The following CAMK1D variants were observed in gnomAD, a reference collection of about 807,000 sequenced individuals.
The protein encoded by CAMK1D is calcium/calmodulin dependent protein kinase ID, also known as calcium/calmodulin-dependent protein kinase type 1D.
CAMK1D carries 9 observed loss-of-function variants against 47.7 expected under a neutral mutation model. The observed-to-expected ratio is 0.19, with a 90% CI of 0.11 to 0.33. The LOEUF is 0.33. Among genes scored for constraint, CAMK1D ranks in the 10% least tolerant of loss-of-function variants. CAMK1D has a pLI of 1.00. For synonymous variants in CAMK1D, 184 were observed against 184.9 expected (o/e 0.99, Z 0.04); for missense variants, 291 against 488.7 (o/e 0.60, Z 3.81).
chr10:12,510,955 G>A (rs1835022695), intron 1 of CAMK1D, among the ~76,000 whole-genome samples: 2 of 152,300 alleles, frequency 1.3e-5, no homozygotes, highest in East Asian at 1.9e-4. Context: ...GAAAGGACTC[G>A]GCTCTGGGAG....
At chr10:12,753,970 A>G (rs924278402) in intron 3 of CAMK1D, among the ~76,000 whole-genome samples, 2 of 152,064 alleles carry the variant, frequency 1.3e-5, no homozygotes, top group African/African-American at 4.8e-5. Context: ...GGCTCACTGC[A>G]TCCTCCACCT....
At chr10:12,758,861 G>T (rs902550370) in intron 3 of CAMK1D, among the ~76,000 whole-genome samples, 1 of 152,118 alleles carries the variant, frequency 6.6e-6, no homozygotes, top group Non-Finnish European at 1.5e-5. Flanking sequence ...GTAGCAGGCA[G>T]AACAGTGAGA....
intron 3 of CAMK1D, among the ~76,000 whole-genome samples, chr10:12,713,955 C>T (rs1169512761): frequency 2.0e-5 from 3 of 152,200 alleles, no homozygotes; most frequent in Admixed American, 2.0e-4. Context: ...AAACTGTAAT[C>T]AGAAGATCGC....
chr10:12,553,660 T>C (rs950984600), intron 2 of CAMK1D, among the ~76,000 whole-genome samples: 3 of 152,206 alleles, frequency 2.0e-5, no homozygotes, highest in African/African-American at 7.2e-5. Flanking sequence ...TACAGAGCCC[T>C]GAGTCTTCTC....
chr10:12,824,000 G>A (rs1053754420), intron 8 of CAMK1D, among the ~76,000 whole-genome samples: 1 of 152,020 alleles, frequency 6.6e-6, no homozygotes, highest in African/African-American at 2.4e-5. Flanking sequence ...GAGGAAGCTG[G>A]GAAGCAAGGC....
intron 2 of CAMK1D, among the ~76,000 whole-genome samples, chr10:12,609,003 A>G (rs1838546496): frequency 6.6e-6 from 1 of 152,092 alleles, no homozygotes; most frequent in African/African-American, 2.4e-5. Flanking sequence ...GTTTGTCACT[A>G]TTGTTTTGCT....
chr10:12,626,108 C>T (rs1839205724), intron 2 of CAMK1D, among the ~76,000 whole-genome samples: 2 of 152,140 alleles, frequency 1.3e-5, no homozygotes, highest in South Asian at 4.2e-4. Context: ...TGTTTTTAAC[C>T]AGTCTTTTTT....
At chr10:12,674,613 T>TTTTTTTTTTTTTTTTTTTG (rs1840740740) in intron 3 of CAMK1D, among the ~76,000 whole-genome samples, 2 of 150,134 alleles carry the variant, frequency 1.3e-5, no homozygotes, top group African/African-American at 2.5e-5. Flanking sequence ...TTTTTTTTTT[T>TTTTTTTTTTTTTTTTTTTG]TTTTCAGAAT....
intron 3 of CAMK1D, among the ~76,000 whole-genome samples, chr10:12,728,484 G>C (rs1834754664): frequency 6.6e-6 from 1 of 152,202 alleles, no homozygotes; most frequent in Non-Finnish European, 1.5e-5. Context: ...CACTGGCATC[G>C]AGAGCAGTGT....
chr10:12,686,877 A>G (rs4750248), intron 3 of CAMK1D, among the ~76,000 whole-genome samples: 53,208 of 152,040 alleles, frequency 0.35, 9,511 homozygotes, highest in South Asian at 0.55. Flanking sequence ...AATTATAAAA[A>G]TCACTTCCCA....
intron 4 of CAMK1D, among the ~76,000 whole-genome samples, chr10:12,764,388 A>AAAAAAAAAC (rs1736956818): frequency 4.0e-5 from 6 of 151,312 alleles, no homozygotes; most frequent in Admixed American, 4.0e-4. Context: ...TCTCAAAAAA[A>AAAAAAAAAC]AAAAAAAAAA....
chr10:12,565,419 A>G (rs924990698), intron 2 of CAMK1D, among the ~76,000 whole-genome samples: 1 of 151,860 alleles, frequency 6.6e-6, no homozygotes, highest in Non-Finnish European at 1.5e-5. Flanking sequence ...ATGCCTGGCT[A>G]GTTTTTGTAT....
chr10:12,752,554 G>GT (rs1836037710), intron 3 of CAMK1D, among the ~76,000 whole-genome samples: 1 of 152,124 alleles, frequency 6.6e-6, no homozygotes, highest in Admixed American at 6.5e-5. Flanking sequence ...GTATTTCCAT[G>GT]TAACAAGCTG....
intron 1 of CAMK1D, among the ~76,000 whole-genome samples, chr10:12,472,438 G>A (rs1026417074): frequency 6.6e-6 from 1 of 151,986 alleles, no homozygotes; most frequent in Non-Finnish European, 1.5e-5. Context: ...GGGAGGCCTC[G>A]CTTGTTGGGT....
intron 6 of CAMK1D, among the ~76,000 whole-genome samples, chr10:12,801,703 A>G (rs1040571799): frequency 2.6e-5 from 4 of 152,216 alleles, no homozygotes; most frequent in Non-Finnish European, 4.4e-5. Flanking sequence ...TCTGTCATCT[A>G]TCTCTATCAA....
At chr10:12,388,179 G>A (rs1838590891) in intron 1 of CAMK1D, among the ~76,000 whole-genome samples, 1 of 152,158 alleles carries the variant, frequency 6.6e-6, no homozygotes, top group South Asian at 2.1e-4. Context: ...TGTGTGTGCC[G>A]CCGCACCTGG....
Position 12,832,095 on chromosome 10 carries a change from G to A in CAMK1D, c.*3208G>A, listed in dbSNP as rs1257828151. ...TGGTCACTATCCCTTCTCAGAGCAAGTGGATTCTCTTTTCCTCACTTGGAG... is the reference window on the plus strand; with the variant it reads ...TGGTCACTATCCCTTCTCAGAGCAAATGGATTCTCTTTTCCTCACTTGGAG... On this transcript the variant is annotated 3_prime_UTR_variant, in exon 11 of 11. Transcript: ENST00000619168. The A allele has an allele frequency of 6.6e-6, 1 of 152,308 alleles. No individual in the cohort carries two copies. The allele number at this position is 152,308 out of a possible 1,614,324, so 9.4% of individuals were successfully genotyped here. A position where few individuals can be genotyped will look rare whatever the true frequency, so the allele number is the denominator to read the frequency against.
intron 2 of CAMK1D, among the ~76,000 whole-genome samples, chr10:12,590,586 A>G (rs1363394717): frequency 6.6e-6 from 1 of 152,178 alleles, no homozygotes; most frequent in Non-Finnish European, 1.5e-5. Context: ...ATTCATAGTT[A>G]CTGTTCCATA....
In CAMK1D at chr10:12,607,447, C is replaced by T. The variant is rs569530394; in HGVS notation, c.224+54091C>T. On this transcript the variant is annotated intron_variant, in intron 2 of 10. Coordinates refer to ENST00000619168, the MANE Select transcript of CAMK1D (RefSeq NM_153498.4). ...GAGACATTCAGAAAACCACCTAGGCCGTTTAGTGAGGTGTTCATTTTCCAA... is the reference window on the plus strand; with the variant it reads ...GAGACATTCAGAAAACCACCTAGGCTGTTTAGTGAGGTGTTCATTTTCCAA... Among the ~76,000 whole-genome samples, 9 of 152,250 alleles carry T rather than the reference C, an allele frequency of 5.9e-5. No individual in the cohort carries two copies. The South Asian group carries it at 1.0e-3, about 18-fold the overall frequency.
Sources: allele counts gnomAD v4.1 joint callset (sites outside exome capture counted in the v4.1 genomes callset), GRCh38; gene constraint gnomAD v4.1.1; transcripts MANE v1.5; gene names NCBI Gene and HGNC (gene_info 2026-07-23, HGNC 2026-07-21).